Variants in LYPLA1 observed in about 807,000 individuals in gnomAD.
LYPLA1 encodes lysophospholipase 1.
Under a neutral mutation model 34.0 loss-of-function variants are expected in LYPLA1, and 17 were observed. That is an observed-to-expected ratio of 0.50 (90% confidence interval 0.34 to 0.75). LYPLA1 has a LOEUF of 0.75. Ranked by LOEUF, LYPLA1 falls within the 30% of genes least tolerant of loss-of-function variation. The pLI, the probability that LYPLA1 is intolerant of heterozygous loss-of-function variation, is 0.01. For missense variants in LYPLA1, 203 were observed against 288.8 expected, an observed-to-expected ratio of 0.70 and a Z score of 2.15; for synonymous variants, 98 against 100.8, an observed-to-expected ratio of 0.97 and a Z score of 0.17.
chr8:54,098,785 G>C (rs763090017), intron 2 of LYPLA1, among the ~76,000 whole-genome samples: 13 of 152,150 alleles, frequency 8.5e-5, no homozygotes, highest in Admixed American at 8.5e-4. Context: ...AGTTAACCAC[G>C]GGTAACTGAA....
intron 2 of LYPLA1, among the ~76,000 whole-genome samples, chr8:54,082,290 C>T (rs1005694242): frequency 3.3e-5 from 5 of 152,176 alleles, no homozygotes; most frequent in East Asian, 1.9e-4. Flanking sequence ...TTCCCCACAA[C>T]GCACACGCAC....
chr8:54,101,290 G>A (rs1353125258), intron 1 of LYPLA1: 2 of 1,036,842 alleles, frequency 1.9e-6, no homozygotes, highest in Non-Finnish European at 2.3e-6. Context: ...GCAAGCTTCC[G>A]GAGGCAAAAA....
At position 54,048,072 on chromosome 8, in the gene LYPLA1, A is replaced by G. The variant is rs1333122163; in HGVS notation, c.686T>C (p.Ile229Thr). Residue 229 changes from isoleucine (I) to threonine (T), a missense_variant, in exon 9 of 9, where the codon ATT (isoleucine) becomes ACT (threonine). Ile to Thr is a moderately conservative substitution (Grantham distance 89). Coordinates refer to ENST00000316963, the MANE Select transcript of LYPLA1 (RefSeq NM_006330.4). ...CAAGGCCTCTTAGTGACGTCAATCA[A>G]TTGGAGGTAGGAGTTTATCAATGAA... Reference protein sequence around the residue: ...KQFIDKLLPPID With the variant: ...KQFIDKLLPPTD The G allele has an allele frequency of 1.2e-6, 2 of 1,608,784 alleles. No individual in the cohort carries two copies. Among genetic ancestry groups the G allele is most frequent in the Admixed American group, 1.7e-5 (1 of 59,960 alleles).
chr8:54,054,576 T>C (rs1265662303), intron 6 of LYPLA1: 1 of 152,444 alleles, frequency 6.6e-6, no homozygotes, highest in African/African-American at 2.4e-5. Flanking sequence ...ACAGCTTATA[T>C]GCCGCAGTAG....
chr8:54,065,404 G>GC (rs1164246328), intron 3 of LYPLA1, among the ~76,000 whole-genome samples: 5 of 151,830 alleles, frequency 3.3e-5, no homozygotes, highest in African/African-American at 1.2e-4. Context: ...GTTGCAGTGA[G>GC]CCGAGATCAC....
At chr8:54,070,296 C>A (rs565712665) in intron 2 of LYPLA1, among the ~76,000 whole-genome samples, 8 of 152,244 alleles carry the variant, frequency 5.3e-5, no homozygotes, top group Non-Finnish European at 7.4e-5. Flanking sequence ...GCCTGGGCAA[C>A]AAGAGTGAAA....
At chr8:54,071,121 C>T (rs1013853659) in intron 2 of LYPLA1, among the ~76,000 whole-genome samples, 1 of 152,124 alleles carries the variant, frequency 6.6e-6, no homozygotes, top group Admixed American at 6.5e-5. Flanking sequence ...GCAGAATATG[C>T]AGAACTGAAG....
chr8:54,056,616 G>A (rs899049834), intron 5 of LYPLA1, among the ~76,000 whole-genome samples: 4 of 151,944 alleles, frequency 2.6e-5, no homozygotes, highest in Non-Finnish European at 4.4e-5. Flanking sequence ...CTAATAATCT[G>A]ATCAAAAAAT....
intron 2 of LYPLA1, among the ~76,000 whole-genome samples, chr8:54,084,081 T>C (rs1808504039): frequency 6.9e-6 from 1 of 144,766 alleles, no homozygotes; most frequent in Non-Finnish European, 1.5e-5. Flanking sequence ...GAGGTTGCAG[T>C]GAGTTGAGAT....
At chr8:54,098,051 C>T (rs1446842314) in intron 2 of LYPLA1, among the ~76,000 whole-genome samples, 2 of 151,968 alleles carry the variant, frequency 1.3e-5, no homozygotes, top group African/African-American at 2.4e-5. Flanking sequence ...GATGAAACCC[C>T]GTCTCTACTA....
At chr8:54,100,326 G>A (rs568992475) in intron 2 of LYPLA1, 20 of 152,828 alleles carry the variant, frequency 1.3e-4, no homozygotes, top group African/African-American at 4.3e-4. Context: ...TCCAGCCTGG[G>A]CGACAGAGAG....
chr8:54,093,195 A>C (rs950167752), intron 2 of LYPLA1, among the ~76,000 whole-genome samples: 1 of 152,236 alleles, frequency 6.6e-6, no homozygotes. Context: ...GAGAGACCAT[A>C]AGACCAGGGA....
chr8:54,096,363 G>A (rs1323373000), intron 2 of LYPLA1, among the ~76,000 whole-genome samples: 1 of 152,186 alleles, frequency 6.6e-6, no homozygotes, highest in Non-Finnish European at 1.5e-5. Context: ...GAGGGACTGG[G>A]AGGCCGAAGT....
chr8:54,089,758 G>A (rs748403299), intron 2 of LYPLA1, among the ~76,000 whole-genome samples: 3 of 151,788 alleles, frequency 2.0e-5, no homozygotes, highest in Non-Finnish European at 4.4e-5. Context: ...TAAGTAGCTG[G>A]GATTACAGGC....
At chr8:54,084,005 G>C (rs1412267713) in intron 2 of LYPLA1, among the ~76,000 whole-genome samples, 4 of 151,660 alleles carry the variant, frequency 2.6e-5, no homozygotes, top group Non-Finnish European at 2.9e-5. Flanking sequence ...CGGTGTGGCA[G>C]TGAATGCCTG....
intron 2 of LYPLA1, among the ~76,000 whole-genome samples, chr8:54,084,141 A>AAAAAAAAAAT (rs1554547936): frequency 3.4e-5 from 4 of 118,642 alleles, no homozygotes; most frequent in African/African-American, 1.8e-4. Flanking sequence ...AAAATAAATA[A>AAAAAAAAAAT]ATATATATAT....
At chr8:54,074,549 G>C (rs188461427) in intron 2 of LYPLA1, among the ~76,000 whole-genome samples, 11 of 152,302 alleles carry the variant, frequency 7.2e-5, no homozygotes, top group Admixed American at 7.2e-4. Context: ...CCTTTGAAAG[G>C]AATCAAATGG....
chr8:54,092,944 A>C (rs1044787565), intron 2 of LYPLA1, among the ~76,000 whole-genome samples: 36 of 152,214 alleles, frequency 2.4e-4, no homozygotes, highest in Admixed American at 1.3e-4. Flanking sequence ...GGGTTTGTAA[A>C]AGAAACACCA....
intron 2 of LYPLA1, among the ~76,000 whole-genome samples, chr8:54,089,510 T>C (rs754781342): frequency 2.7e-5 from 4 of 147,020 alleles, no homozygotes; most frequent in African/African-American, 5.3e-5. Context: ...GGCGGGATCT[T>C]TGAACATATG....
Sources: allele counts gnomAD v4.1 joint callset (sites outside exome capture counted in the v4.1 genomes callset), GRCh38; gene constraint gnomAD v4.1.1; transcripts MANE v1.5; gene names NCBI Gene and HGNC (gene_info 2026-07-23, HGNC 2026-07-21).